The following CSMD3 variants were observed in gnomAD, a reference collection of about 807,000 sequenced individuals.
CSMD3 encodes CUB and Sushi multiple domains 3.
CSMD3 carries 177 observed loss-of-function variants against 435.2 expected under a neutral mutation model. The ratio of observed to expected loss-of-function variants is 0.41; its 90% CI spans 0.36 to 0.46. The LOEUF is 0.46. Ranked by LOEUF, CSMD3 falls within the 20% of genes least tolerant of loss-of-function variation. The probability of loss-of-function intolerance (pLI) is 0.34; values close to 1 mark genes in which losing one functional copy is unlikely to be tolerated. For synonymous variants in CSMD3, 1,656 were observed against 1,520.5 expected (o/e 1.09, Z -2.07); for missense variants, 4,265 against 4,504.6 (o/e 0.95, Z 1.52).
intron 27 of CSMD3, among the ~76,000 whole-genome samples, chr8:112,545,682 T>C (rs1392352037): frequency 1.3e-5 from 2 of 151,966 alleles, no homozygotes; most frequent in East Asian, 3.9e-4. Flanking sequence ...TACAAGTTAT[T>C]ATGGCAAAAA....
At chr8:112,622,077 G>A (rs763464108) in intron 22 of CSMD3, among the ~76,000 whole-genome samples, 5 of 152,120 alleles carry the variant, frequency 3.3e-5, no homozygotes, top group East Asian at 3.9e-4. Context: ...TGTGAATTCC[G>A]ATTGGGAAAC....
At chr8:113,196,303 T>A (rs558522746) in intron 3 of CSMD3, among the ~76,000 whole-genome samples, 2 of 151,122 alleles carry the variant, frequency 1.3e-5, no homozygotes, top group African/African-American at 4.8e-5. Flanking sequence ...ACTCACTGGG[T>A]AAAGATGGAA....
At chr8:112,254,219 T>A in intron 63 of CSMD3, 34 bp downstream of exon 63, 1 of 1,469,178 alleles carries the variant, frequency 6.8e-7, no homozygotes, top group Non-Finnish European at 9.5e-7. Context: ...TCTGACCTAG[T>A]ATGATGCTAA....
chr8:113,341,916 G>C (rs141553586), intron 1 of CSMD3, among the ~76,000 whole-genome samples: 2 of 152,014 alleles, frequency 1.3e-5, no homozygotes, highest in Admixed American at 6.6e-5. Context: ...AAAATACATA[G>C]TTTTGCTTTT....
At chr8:113,224,651 A>G (rs531882104) in intron 3 of CSMD3, among the ~76,000 whole-genome samples, 2 of 151,430 alleles carry the variant, frequency 1.3e-5, no homozygotes, top group East Asian at 1.9e-4. Flanking sequence ...CCTAAATAAT[A>G]TTTATATAGT....
intron 32 of CSMD3, among the ~76,000 whole-genome samples, chr8:112,435,481 T>C (rs1336755440): frequency 1.3e-5 from 2 of 152,060 alleles, no homozygotes; most frequent in Non-Finnish European, 2.9e-5. Context: ...TCACACTGTA[T>C]ATGATGTATG....
chr8:112,872,746 C>T (rs1336112807), intron 10 of CSMD3, among the ~76,000 whole-genome samples: 1 of 151,898 alleles, frequency 6.6e-6, no homozygotes, highest in Non-Finnish European at 1.5e-5. Flanking sequence ...ATTTATTATG[C>T]TTTTCATAAA....
At chr8:112,981,623 A>G (rs986144812) in intron 6 of CSMD3, among the ~76,000 whole-genome samples, 3 of 151,674 alleles carry the variant, frequency 2.0e-5, no homozygotes, top group Non-Finnish European at 4.4e-5. Flanking sequence ...TGATGATAGT[A>G]AGATTTGTCA....
At chr8:112,739,283 T>C (rs1381742789) in intron 13 of CSMD3, among the ~76,000 whole-genome samples, 1 of 151,744 alleles carries the variant, frequency 6.6e-6, no homozygotes, top group Non-Finnish European at 1.5e-5. Context: ...AGCTTTCATA[T>C]ATAATTTTCT....
At chr8:113,108,827 C>A (rs2090557028) in intron 4 of CSMD3, among the ~76,000 whole-genome samples, 1 of 152,090 alleles carries the variant, frequency 6.6e-6, no homozygotes, top group Admixed American at 6.5e-5. Context: ...AGAGAAAATA[C>A]AAAAGACCTA....
chr8:112,458,994 T>C (rs1817149701), intron 32 of CSMD3, among the ~76,000 whole-genome samples: 1 of 152,010 alleles, frequency 6.6e-6, no homozygotes, highest in Non-Finnish European at 1.5e-5. Flanking sequence ...ATCCCTACTA[T>C]CTTCTACAAA....
At chr8:112,319,060 T>C in intron 46 of CSMD3, 110 bp from the exon 47 acceptor site, 3 of 732,574 alleles carry the variant, frequency 4.1e-6, no homozygotes, top group Non-Finnish European at 7.2e-6. Flanking sequence ...TTTCAATCAG[T>C]ATAAAAATGT....
intron 24 of CSMD3, among the ~76,000 whole-genome samples, chr8:112,559,468 T>C (rs948016431): frequency 6.6e-6 from 1 of 151,836 alleles, no homozygotes; most frequent in East Asian, 1.9e-4. Context: ...TGGCCACTTC[T>C]GTAGAAGATT....
chr8:112,936,554 C>T (rs560161075), intron 9 of CSMD3, among the ~76,000 whole-genome samples: 1 of 151,964 alleles, frequency 6.6e-6, no homozygotes, highest in Non-Finnish European at 1.5e-5. Context: ...TATCTTTAAT[C>T]GTGACACTAG....
At chr8:112,742,234 C>T (rs1299563460) in intron 13 of CSMD3, among the ~76,000 whole-genome samples, 1 of 151,886 alleles carries the variant, frequency 6.6e-6, no homozygotes, top group Admixed American at 6.6e-5. Context: ...TTAGTAATTT[C>T]TCATATTGAA....
At chr8:113,088,421 T>A (rs2089881625) in intron 5 of CSMD3, among the ~76,000 whole-genome samples, 2 of 146,916 alleles carry the variant, frequency 1.4e-5, no homozygotes, top group African/African-American at 5.1e-5. Context: ...GTATGTTTAT[T>A]GTGGCACTAT....
chr8:112,427,744 A>G (rs529701195), intron 32 of CSMD3, among the ~76,000 whole-genome samples: 2 of 152,268 alleles, frequency 1.3e-5, no homozygotes, highest in African/African-American at 4.8e-5. Flanking sequence ...TCTTTCCATC[A>G]GCTTCATACA....
intron 2 of CSMD3, among the ~76,000 whole-genome samples, chr8:113,290,163 T>C (rs970257379): frequency 6.6e-6 from 1 of 151,660 alleles, no homozygotes; most frequent in Non-Finnish European, 1.5e-5. Context: ...TTTCTGAGGA[T>C]CTATTCCATT....
At chr8:112,359,831 T>C (rs759475181) in intron 38 of CSMD3, among the ~76,000 whole-genome samples, 22 of 152,080 alleles carry the variant, frequency 1.4e-4, no homozygotes, top group Admixed American at 1.4e-3. Flanking sequence ...TCATGTTCTA[T>C]TCCTTTTTGT....
Sources: gnomAD v4.1 joint callset for allele counts (sites outside exome capture counted in the v4.1 genomes callset) on GRCh38, gnomAD v4.1.1 for gene constraint, MANE v1.5 for transcripts, NCBI Gene and HGNC (gene_info 2026-07-23, HGNC 2026-07-21) for gene names.